Variants in WWC2 observed in about 807,000 individuals in gnomAD.
WWC2 encodes WW and C2 domain containing 2.
Under a neutral mutation model 138.5 loss-of-function variants are expected in WWC2, and 101 were observed. The ratio of observed to expected loss-of-function variants is 0.73; its 90% CI spans 0.62 to 0.86. WWC2 has a LOEUF of 0.86. Ranked by LOEUF, WWC2 falls within the 40% of genes least tolerant of loss-of-function variation. The pLI is 0.00. For synonymous variants in WWC2, 558 were observed against 538.4 expected (o/e 1.04, Z -0.50); for missense variants, 1,420 against 1,419.4 (o/e 1.00, Z -0.01).
Position 183,284,289 on chromosome 4 carries a change from C to T in WWC2, c.2947C>T (p.Arg983Cys), listed in dbSNP as rs780979458. The T allele has an allele frequency of 1.1e-5, 17 of 1,613,864 alleles. No homozygotes were observed. In the Admixed American group the frequency reaches 2.0e-4, roughly 19 times the overall value. The change falls in exon 19 of 23, where the codon CGC (arginine) becomes TGC (cysteine). Residue 983 changes from arginine to cysteine, a missense_variant. By Grantham distance (180) the Arg-to-Cys change is radical (BLOSUM62 -3). Coordinates refer to ENST00000403733, the MANE Select transcript of WWC2 (RefSeq NM_024949.6). The part of the protein sequence containing the change: ...NDNMAVRPKE[R>C]SSLSSRQHPF... Reference sequence around the variant, plus strand: ...CAATATGGCAGTTCGCCCCAAAGAGCGCAGCAGCCTGAGCTCTAGACAGCA... The same window carrying T: ...CAATATGGCAGTTCGCCCCAAAGAGTGCAGCAGCCTGAGCTCTAGACAGCA...
intron 15 of WWC2, chr4:183,269,890 C>T (rs1039348599): frequency 6.3e-6 from 1 of 159,956 alleles, no homozygotes; most frequent in African/African-American, 2.4e-5. Context: ...ACCAGAAAAC[C>T]ATTATGTCCC....
chr4:183,256,158 A>G (rs1213520822), intron 9 of WWC2, among the ~76,000 whole-genome samples: 2 of 152,170 alleles, frequency 1.3e-5, no homozygotes, highest in African/African-American at 2.4e-5. Flanking sequence ...AGTATTCCAA[A>G]TAAGTGGATA....
intron 19 of WWC2, 84 bp downstream of exon 19, chr4:183,284,474 CTG>C: frequency 1.3e-6 from 2 of 1,500,436 alleles, no homozygotes; most frequent in African/African-American, 1.4e-5. Context: ...GGACAAGAGA[CTG>C]TGCACTGGGA....
chr4:183,123,786 G>A (rs146905908), intron 1 of WWC2, among the ~76,000 whole-genome samples: 126 of 151,976 alleles, frequency 8.3e-4, no homozygotes, highest in African/African-American at 2.8e-3. Context: ...TTAATATGAT[G>A]AATTTTATTA....
intron 8 of WWC2, among the ~76,000 whole-genome samples, chr4:183,252,352 G>A (rs1189981964): frequency 1.3e-5 from 2 of 152,150 alleles, no homozygotes; most frequent in Non-Finnish European, 1.5e-5. Flanking sequence ...AGATCTTGTC[G>A]TTATGGTCGA....
intron 16 of WWC2, among the ~76,000 whole-genome samples, chr4:183,274,824 A>G (rs1737798598): frequency 6.6e-6 from 1 of 152,146 alleles, no homozygotes; most frequent in African/African-American, 2.4e-5. Flanking sequence ...ACCCACTGAA[A>G]CAGTGTGATG....
chr4:183,202,694 T>C (rs1735335407), intron 2 of WWC2, among the ~76,000 whole-genome samples: 1 of 152,180 alleles, frequency 6.6e-6, no homozygotes, highest in Non-Finnish European at 1.5e-5. Flanking sequence ...GTTGAGCATA[T>C]GTATATATAA....
chr4:183,224,501 C>CT (rs1736015405), intron 4 of WWC2, among the ~76,000 whole-genome samples: 1 of 152,176 alleles, frequency 6.6e-6, no homozygotes. Flanking sequence ...TGCCATATCT[C>CT]TGTCTAGCAC....
intron 1 of WWC2, among the ~76,000 whole-genome samples, chr4:183,152,097 G>A (rs1733649877): frequency 6.6e-6 from 1 of 152,148 alleles, no homozygotes; most frequent in South Asian, 2.1e-4. Context: ...GTGTAGTGTG[G>A]ACTTACAAAT....
intron 2 of WWC2, among the ~76,000 whole-genome samples, chr4:183,195,668 A>T (rs1735120053): frequency 6.6e-6 from 1 of 152,228 alleles, no homozygotes; most frequent in South Asian, 2.1e-4. Context: ...AAATACAAAC[A>T]GATGGCATTA....
chr4:183,281,086 C>A, intron 17 of WWC2, 189 bp downstream of exon 17: 1 of 727,730 alleles, frequency 1.4e-6, no homozygotes, highest in South Asian at 3.2e-5. Context: ...AGATTATGGG[C>A]AAAGTTAAAA....
At chr4:183,143,587 C>T (rs761060126) in intron 1 of WWC2, among the ~76,000 whole-genome samples, 3 of 152,022 alleles carry the variant, frequency 2.0e-5, no homozygotes, top group Non-Finnish European at 4.4e-5. Context: ...GAGGGTGGAT[C>T]GCTTGAGCTC....
rs116544113 is a variant in WWC2 at position 183,168,327 on chromosome 4, G to A, written c.132-25272G>A. ...TTTAGATATTTTTCTAAATTAGTGG[G>A]AAAATAAGATATAAATTACTACAGT... On this transcript the variant is annotated intron_variant, in intron 1 of 22. Coordinates refer to ENST00000403733, the MANE Select transcript of WWC2 (RefSeq NM_024949.6). Among the ~76,000 whole-genome samples, 898 of 151,984 alleles carry A rather than the reference G, an allele frequency of 5.9e-3. 7 individuals are homozygous for A. The highest frequency in any genetic ancestry group is 0.019 in the African/African-American group (796 of 41,466).
Position 183,289,397 on chromosome 4 carries a change from T to C in WWC2, c.3146T>C (p.Val1049Ala). 6.2e-7 allele frequency: 1 copy of C among 1,611,110 alleles called. No individual in the cohort carries two copies. Among genetic ancestry groups the C allele is most frequent in the Non-Finnish European group, 8.5e-7 (1 of 1,178,516 alleles). The stretch of plus-strand genomic sequence containing the variant: ...ATTCCGTTTCTAACTATCCAGACGG[T>C]TTGCCAGTCAGTCCTTAGAAGAACA... ...ERRSLRVKRT[V>A]CQSVLRRTTQ... The change falls in exon 21 of 23, where the codon GTT (valine) becomes GCT (alanine). Residue 1049 changes from valine (V) to alanine (A), a missense_variant. Physicochemically the swap from Val to Ala is moderately conservative, Grantham distance 64. Coordinates refer to ENST00000403733, the MANE Select transcript of WWC2 (RefSeq NM_024949.6).
At chr4:183,236,757 G>A (rs918293286) in intron 4 of WWC2, among the ~76,000 whole-genome samples, 2 of 152,058 alleles carry the variant, frequency 1.3e-5, no homozygotes, top group African/African-American at 2.4e-5. Flanking sequence ...GGTCTTTTTT[G>A]GTTCTGTATA....
chr4:183,109,340 T>C (rs1469773338), intron 1 of WWC2, among the ~76,000 whole-genome samples: 1 of 152,258 alleles, frequency 6.6e-6, no homozygotes, highest in East Asian at 1.9e-4. Context: ...AATGTTTCTA[T>C]AAATATTAAC....
intron 1 of WWC2, among the ~76,000 whole-genome samples, chr4:183,104,560 A>G (rs1392538737): frequency 6.6e-6 from 1 of 152,222 alleles, no homozygotes; most frequent in Admixed American, 6.5e-5. Context: ...ATTGTCATAG[A>G]CTGCTGGAAT....
intron 16 of WWC2, among the ~76,000 whole-genome samples, chr4:183,271,716 T>G (rs1368560327): frequency 6.6e-6 from 1 of 152,164 alleles, no homozygotes; most frequent in African/African-American, 2.4e-5. Context: ...TAAATAGTTT[T>G]GTGAAGGCCA....
At chr4:183,203,844 T>A (rs1560841294) in intron 2 of WWC2, among the ~76,000 whole-genome samples, 1 of 152,168 alleles carries the variant, frequency 6.6e-6, no homozygotes. Flanking sequence ...CGATTCTTCC[T>A]CTCATTTCTC....
Sources: allele counts gnomAD v4.1 joint callset (sites outside exome capture counted in the v4.1 genomes callset), GRCh38; gene constraint gnomAD v4.1.1; transcripts MANE v1.5; gene names NCBI Gene and HGNC (gene_info 2026-07-23, HGNC 2026-07-21).